Variants in SPOCK1 observed in about 807,000 individuals in gnomAD.
SPOCK1 encodes testican-1.
SPOCK1 carries 23 observed loss-of-function variants against 55.3 expected under a neutral mutation model. The ratio of observed to expected loss-of-function variants is 0.42; its 90% CI spans 0.30 to 0.59. The LOEUF (loss-of-function observed/expected upper bound fraction) is 0.59, where lower values mean the gene tolerates loss of function less well. Ranked by LOEUF, SPOCK1 falls within the 20% of genes least tolerant of loss-of-function variation. SPOCK1 has a pLI of 0.22. For synonymous variants in SPOCK1, 226 were observed against 221.0 expected (o/e 1.02, Z -0.20); for missense variants, 499 against 552.5 (o/e 0.90, Z 0.97).
intron 3 of SPOCK1, among the ~76,000 whole-genome samples, chr5:137,161,222 C>T (rs1754552391): frequency 6.6e-6 from 1 of 150,926 alleles, no homozygotes; most frequent in South Asian, 2.1e-4. Context: ...AGAATATCAA[C>T]ATCAGAAGTA....
At chr5:137,196,424 C>G (rs771538648) in intron 3 of SPOCK1, among the ~76,000 whole-genome samples, 5 of 152,228 alleles carry the variant, frequency 3.3e-5, no homozygotes, top group Non-Finnish European at 5.9e-5. Context: ...CCTGGGCCAT[C>G]TGGCTTCAGC....
chr5:137,381,035 G>A (rs1229741), intron 2 of SPOCK1, among the ~76,000 whole-genome samples: 38,944 of 152,020 alleles, frequency 0.26, 5,961 homozygotes, highest in Middle Eastern at 0.41. Context: ...TGGGAGTACA[G>A]GCATTGGGTA....
intron 5 of SPOCK1, among the ~76,000 whole-genome samples, chr5:137,106,351 G>T (rs1377945559): frequency 6.6e-6 from 1 of 152,112 alleles, no homozygotes; most frequent in Non-Finnish European, 1.5e-5. Context: ...TTAAAAGCTG[G>T]CAATCAGGCC....
At chr5:137,396,572 G>A (rs1217048227) in intron 2 of SPOCK1, among the ~76,000 whole-genome samples, 1 of 152,232 alleles carries the variant, frequency 6.6e-6, no homozygotes, top group African/African-American at 2.4e-5. Context: ...CCTGCCTAGT[G>A]CACCTGCTGC....
In SPOCK1 at chr5:137,242,908, T is replaced by C. The variant is rs79321769; in HGVS notation, c.232+24102A>G. ...AGAGAATATATATACAAATGCTAACTAATGTGTGTATTAAAATTCCTCTGG... is the reference window on the plus strand; with the variant it reads ...AGAGAATATATATACAAATGCTAACCAATGTGTGTATTAAAATTCCTCTGG... On this transcript the variant is annotated intron_variant, in intron 3 of 10. Transcript: ENST00000394945. Among the ~76,000 whole-genome samples, 8 of 152,304 alleles carry C rather than the reference T, an allele frequency of 5.3e-5. No homozygotes were observed. The East Asian group carries it at 1.5e-3, about 29-fold the overall frequency.
At chr5:137,247,588 A>T (rs1282264879) in intron 3 of SPOCK1, among the ~76,000 whole-genome samples, 1 of 152,018 alleles carries the variant, frequency 6.6e-6, no homozygotes, top group Non-Finnish European at 1.5e-5. Context: ...AGAGCACTTT[A>T]AAAAAAACTG....
At chr5:137,186,123 C>T (rs1366863750) in intron 3 of SPOCK1, among the ~76,000 whole-genome samples, 3 of 152,212 alleles carry the variant, frequency 2.0e-5, no homozygotes, top group African/African-American at 7.2e-5. Flanking sequence ...GCTGAATAGA[C>T]TTGAGTCACC....
intron 2 of SPOCK1, among the ~76,000 whole-genome samples, chr5:137,309,801 A>C (rs1017974434): frequency 3.3e-5 from 5 of 152,022 alleles, no homozygotes; most frequent in Non-Finnish European, 5.9e-5. Context: ...AATGCATGTG[A>C]AGCATCTAGT....
intron 2 of SPOCK1, among the ~76,000 whole-genome samples, chr5:137,458,180 C>T (rs932714477): frequency 1.3e-5 from 2 of 152,158 alleles, no homozygotes; most frequent in African/African-American, 4.8e-5. Flanking sequence ...TAAATAGACA[C>T]CAGTGTCACT....
chr5:137,346,575 C>A (rs1163709471), intron 2 of SPOCK1, among the ~76,000 whole-genome samples: 1 of 152,196 alleles, frequency 6.6e-6, no homozygotes, highest in Non-Finnish European at 1.5e-5. Flanking sequence ...AATGAGGTGG[C>A]AGTTACGAAA....
At chr5:137,152,575 G>T (rs528951135) in intron 3 of SPOCK1, among the ~76,000 whole-genome samples, 1 of 152,190 alleles carries the variant, frequency 6.6e-6, no homozygotes, top group African/African-American at 2.4e-5. Flanking sequence ...ACAGCAGAAA[G>T]AAAGTCATCT....
chr5:137,261,571 T>C (rs73791006), intron 3 of SPOCK1, among the ~76,000 whole-genome samples: 1 of 152,162 alleles, frequency 6.6e-6, no homozygotes, highest in Non-Finnish European at 1.5e-5. Flanking sequence ...CCCTGACTCT[T>C]TGAGTTTTAT....
chr5:137,368,005 C>T (rs1420572773), intron 2 of SPOCK1, among the ~76,000 whole-genome samples: 2 of 152,212 alleles, frequency 1.3e-5, no homozygotes, highest in African/African-American at 4.8e-5. Flanking sequence ...ACTATCCAAC[C>T]GCCCCCAAAA....
In SPOCK1 at chr5:137,443,649, G is replaced by T. The variant is rs1580930365; in HGVS notation, c.186+54724C>A. Among the ~76,000 whole-genome samples, 6 of 152,238 alleles carry T rather than the reference G, an allele frequency of 3.9e-5. No individual in the cohort carries two copies. In the South Asian group the frequency reaches 1.2e-3, roughly 32 times the overall value. ...TTCAACTGCACCCCTGCCAAAGCCT[G>T]CCCTTATTCAGCTATCCTCACTAGC... On this transcript the variant is annotated intron_variant, in intron 2 of 10. Transcript: ENST00000394945.
chr5:137,251,902 G>GT (rs1219533677), intron 3 of SPOCK1, among the ~76,000 whole-genome samples: 16 of 152,192 alleles, frequency 1.1e-4, no homozygotes, highest in Non-Finnish European at 4.4e-5. Flanking sequence ...AATTAGGATC[G>GT]TATTCGACAT....
intron 5 of SPOCK1, among the ~76,000 whole-genome samples, chr5:137,106,041 CTG>C (rs1753362012): frequency 6.6e-6 from 1 of 152,124 alleles, no homozygotes; most frequent in Non-Finnish European, 1.5e-5. Flanking sequence ...GCCCTGACAT[CTG>C]AGCTTCAGTC....
At chr5:137,271,330 A>G (rs1280959015) in intron 2 of SPOCK1, among the ~76,000 whole-genome samples, 1 of 150,352 alleles carries the variant, frequency 6.7e-6, no homozygotes, top group East Asian at 1.9e-4. Context: ...CTGTTCAGAT[A>G]AGCATCAATG....
At chr5:137,461,525 C>T (rs541367270) in intron 2 of SPOCK1, among the ~76,000 whole-genome samples, 107 of 152,312 alleles carry the variant, frequency 7.0e-4, no homozygotes, top group African/African-American at 2.5e-3. Context: ...ACTCCCATAA[C>T]CACGGACTTA....
At chr5:137,340,236 T>C (rs1425454991) in intron 2 of SPOCK1, among the ~76,000 whole-genome samples, 1 of 152,214 alleles carries the variant, frequency 6.6e-6, no homozygotes, top group Admixed American at 6.5e-5. Context: ...ACACGCCCTC[T>C]TCCACTGCAC....
Sources: allele counts gnomAD v4.1 joint callset (sites outside exome capture counted in the v4.1 genomes callset), GRCh38; gene constraint gnomAD v4.1.1; transcripts MANE v1.5; gene names NCBI Gene and HGNC (gene_info 2026-07-23, HGNC 2026-07-21).